SCLT1: variants seen among roughly 807,000 people sequenced by gnomAD.
SCLT1 encodes sodium channel-associated protein 1.
SCLT1 carries 78 observed loss-of-function variants against 112.8 expected under a neutral mutation model. That is an observed-to-expected ratio of 0.69 (90% CI 0.58 to 0.83). The LOEUF is 0.83. Among genes scored for constraint, SCLT1 ranks in the 40% least tolerant of loss-of-function variants. The probability of loss-of-function intolerance (pLI) is 0.00; values close to 1 mark genes in which losing one functional copy is unlikely to be tolerated. For missense variants in SCLT1, 747 were observed against 770.4 expected, an observed-to-expected ratio of 0.97 and a Z score of 0.36; for synonymous variants, 257 against 254.7, an observed-to-expected ratio of 1.01 and a Z score of -0.09.
chr4:128,899,965 T>C (rs367612491), intron 18 of SCLT1, among the ~76,000 whole-genome samples: 3 of 151,956 alleles, frequency 2.0e-5, no homozygotes, highest in Non-Finnish European at 4.4e-5. Flanking sequence ...ATCCAACTTA[T>C]AAGGGATGTG....
chr4:128,886,319 C>A (rs1256380867), intron 20 of SCLT1, among the ~76,000 whole-genome samples: 1 of 152,128 alleles, frequency 6.6e-6, no homozygotes, highest in Non-Finnish European at 1.5e-5. Context: ...GAACCAGTAA[C>A]ACGATGCTGC....
intron 9 of SCLT1, among the ~76,000 whole-genome samples, chr4:128,977,787 G>A (rs1022177542): frequency 6.6e-6 from 1 of 152,178 alleles, no homozygotes; most frequent in African/African-American, 2.4e-5. Context: ...GATCACATAA[G>A]GGCCTTCTGG....
chr4:128,995,102 C>T (rs999691031), intron 8 of SCLT1, among the ~76,000 whole-genome samples: 30 of 152,040 alleles, frequency 2.0e-4, no homozygotes, highest in Admixed American at 9.8e-4. Context: ...TTGCCAAGAC[C>T]GATGCCATGG....
At chr4:128,885,433 AG>A (rs1381184685) in intron 20 of SCLT1, among the ~76,000 whole-genome samples, 1 of 152,220 alleles carries the variant, frequency 6.6e-6, no homozygotes, top group East Asian at 1.9e-4. Context: ...AAATGATGAA[AG>A]TATTATAAAC....
Position 128,884,552 on chromosome 4 carries a change from TAAAC to T in SCLT1, c.2005-17_2005-14del. 1.3e-6 allele frequency: 2 copies of T among 1,570,896 alleles called. No homozygotes were observed. The highest frequency in any genetic ancestry group is 1.8e-6 in the Non-Finnish European group (2 of 1,142,746). On this transcript the variant is annotated splice_polypyrimidine_tract_variant and intron_variant, in intron 20 of 20. Transcript: ENST00000281142. The stretch of plus-strand genomic sequence containing the variant: ...TAATCACACTGAGCTGCAATTAAAA[TAAAC>T]AATCGGTAAGTAGTTACTTTTTCTG...
chr4:128,934,380 A>C (rs1737017452), intron 18 of SCLT1, among the ~76,000 whole-genome samples: 1 of 151,890 alleles, frequency 6.6e-6, no homozygotes, highest in Admixed American at 6.6e-5. Context: ...AACTTAATAT[A>C]CTTCAGATAT....
chr4:129,042,429 G>A lies in SCLT1; in HGVS notation c.234+966C>T, dbSNP rs191882996. Among the ~76,000 whole-genome samples the A allele has an allele frequency of 1.9e-4, 29 of 152,176 alleles. No individual in the cohort carries two copies. The East Asian group carries it at 4.6e-3, about 24-fold the overall frequency. ...ATTATTCTAGTTCTCCATAAGCCCTGGGACCCAAAATGATAATCCATTCTG... is the reference window on the plus strand; with the variant it reads ...ATTATTCTAGTTCTCCATAAGCCCTAGGACCCAAAATGATAATCCATTCTG... On this transcript the variant is annotated intron_variant, in intron 4 of 20. Coordinates refer to ENST00000281142, the MANE Select transcript of SCLT1 (RefSeq NM_144643.4).
At chr4:128,935,791 TCA>T (rs1449688008) in intron 18 of SCLT1, among the ~76,000 whole-genome samples, 2 of 152,150 alleles carry the variant, frequency 1.3e-5, no homozygotes, top group African/African-American at 2.4e-5. Flanking sequence ...AACTCAGTCC[TCA>T]CACAGTTTCC....
chr4:129,075,176 T>C (rs1273027515), intron 2 of SCLT1, among the ~76,000 whole-genome samples: 2 of 152,196 alleles, frequency 1.3e-5, no homozygotes, highest in South Asian at 4.1e-4. Context: ...GAATGTTTAC[T>C]TTTGGCTCTC....
intron 5 of SCLT1, among the ~76,000 whole-genome samples, chr4:129,004,112 A>G (rs1282641886): frequency 6.6e-5 from 10 of 152,024 alleles, no homozygotes; most frequent in Non-Finnish European, 1.2e-4. Flanking sequence ...CTGAAGCATG[A>G]TTCAGTTTGT....
intron 18 of SCLT1, among the ~76,000 whole-genome samples, chr4:128,930,675 T>G (rs928443064): frequency 1.3e-5 from 2 of 152,210 alleles, no homozygotes; most frequent in East Asian, 3.9e-4. Context: ...ATCCAGGAGT[T>G]AGGGGAATAG....
At chr4:129,046,932 T>C (rs891043788) in intron 2 of SCLT1, among the ~76,000 whole-genome samples, 1 of 152,118 alleles carries the variant, frequency 6.6e-6, no homozygotes, top group Non-Finnish European at 1.5e-5. Context: ...TTTTCTACAG[T>C]TACAAAGCAT....
At chr4:129,091,369 C>T (rs1050587866) in intron 1 of SCLT1, among the ~76,000 whole-genome samples, 1 of 151,820 alleles carries the variant, frequency 6.6e-6, no homozygotes, top group African/African-American at 2.4e-5. Flanking sequence ...CTATTAAATA[C>T]CACTCATTTT....
chr4:129,037,806 T>A (rs888372117), intron 5 of SCLT1: 3 of 152,034 alleles, frequency 2.0e-5, no homozygotes, highest in Non-Finnish European at 4.4e-5. Flanking sequence ...ACAAGATAAG[T>A]AGAAATGGGG....
intron 2 of SCLT1, among the ~76,000 whole-genome samples, chr4:129,066,853 G>A (rs1173965812): frequency 1.3e-5 from 2 of 152,020 alleles, no homozygotes; most frequent in African/African-American, 4.8e-5. Context: ...ATCATATAAA[G>A]TATTAAAGCA....
At chr4:128,946,276 A>C in intron 15 of SCLT1, 124 bp from the exon 16 acceptor site, 1 of 485,570 alleles carries the variant, frequency 2.1e-6, no homozygotes. Context: ...TTCTGACCGT[A>C]ACATATGAAA....
chr4:128,918,792 AAC>A (rs1474366545), intron 18 of SCLT1, among the ~76,000 whole-genome samples: 1 of 152,326 alleles, frequency 6.6e-6, no homozygotes, highest in Admixed American at 6.5e-5. Flanking sequence ...TTTCAGACAA[AAC>A]AGTCTTTAAA....
At chr4:128,966,802 C>T (rs910203630) in intron 10 of SCLT1, among the ~76,000 whole-genome samples, 1 of 150,924 alleles carries the variant, frequency 6.6e-6, no homozygotes, top group Admixed American at 6.6e-5. Flanking sequence ...TTTTTTTCTT[C>T]AGCATTTGAA....
intron 20 of SCLT1, among the ~76,000 whole-genome samples, chr4:128,888,211 G>GTT (rs1225748538): frequency 1.7e-4 from 25 of 144,086 alleles, no homozygotes; most frequent in Non-Finnish European, 2.8e-4. Context: ...TGTCTTTTCT[G>GTT]TTTTTTTTTT....
Sources: allele counts gnomAD v4.1 joint callset (sites outside exome capture counted in the v4.1 genomes callset), GRCh38; gene constraint gnomAD v4.1.1; transcripts MANE v1.5; gene names NCBI Gene and HGNC (gene_info 2026-07-23, HGNC 2026-07-21).